EPB41L4A: variants seen among roughly 807,000 people sequenced by gnomAD.
EPB41L4A encodes band 4.1-like protein 4A.
In EPB41L4A, 100 loss-of-function variants were observed where a neutral mutation model predicts 108.6. The ratio of observed to expected loss-of-function variants is 0.92; its 90% CI spans 0.78 to 1.09. The LOEUF is 1.09. Ranked by LOEUF, EPB41L4A falls within the 50% of genes least tolerant of loss-of-function variation. The pLI, the probability that EPB41L4A is intolerant of heterozygous loss-of-function variation, is 0.00. For missense variants in EPB41L4A, 1,030 were observed against 842.7 expected (o/e 1.22, Z -2.75); for synonymous variants, 319 against 289.0 (o/e 1.10, Z -1.05).
intron 14 of EPB41L4A, chr5:112,204,782 C>T (rs1388167103): frequency 3.9e-6 from 1 of 257,750 alleles, no homozygotes; most frequent in African/African-American, 2.1e-5. Flanking sequence ...GAATTTAGCC[C>T]TTTCTAAACA....
At chr5:112,271,976 T>G (rs1255618479) in intron 4 of EPB41L4A, among the ~76,000 whole-genome samples, 1 of 152,158 alleles carries the variant, frequency 6.6e-6, no homozygotes, top group Non-Finnish European at 1.5e-5. Flanking sequence ...GGACTCCAAG[T>G]TGATGATTCT....
chr5:112,170,167 C>T (rs532639745), intron 20 of EPB41L4A, 134 bp downstream of exon 20: 22 of 798,696 alleles, frequency 2.8e-5, no homozygotes, highest in Non-Finnish European at 3.6e-5. Context: ...CTTCCTCTTT[C>T]GCTACTGTCA....
chr5:112,148,707 GC>G (rs779729673), intron 12 of EPB41L4A, among the ~76,000 whole-genome samples: 2 of 151,980 alleles, frequency 1.3e-5, no homozygotes, highest in African/African-American at 2.4e-5. Flanking sequence ...TTTTCACTTA[GC>G]CTTTCTATCG....
At chr5:112,293,430 T>C (rs1753786194) in intron 2 of EPB41L4A, among the ~76,000 whole-genome samples, 4 of 152,086 alleles carry the variant, frequency 2.6e-5, no homozygotes. Flanking sequence ...AAGAAAACTT[T>C]CTCTCCAAGA....
At chr5:112,320,524 G>C (rs1755706454) in intron 1 of EPB41L4A, among the ~76,000 whole-genome samples, 1 of 152,114 alleles carries the variant, frequency 6.6e-6, no homozygotes. Context: ...GTGGGGCAGG[G>C]GATTGGCTTA....
intron 1 of EPB41L4A, among the ~76,000 whole-genome samples, chr5:112,374,538 C>G (rs1393235641): frequency 6.6e-6 from 1 of 152,212 alleles, no homozygotes; most frequent in Non-Finnish European, 1.5e-5. Context: ...ATAAATATTA[C>G]TCAGCAATAT....
intron 1 of EPB41L4A, among the ~76,000 whole-genome samples, chr5:112,341,753 A>AAC (rs5870494): frequency 0.48 from 71,650 of 149,304 alleles, 18,138 homozygotes; most frequent in South Asian, 0.6. Flanking sequence ...CACTATTTAA[A>AAC]ACACACACAC....
At chr5:112,142,289 T>C (rs989474298), downstream of EPB41L4A, among the ~76,000 whole-genome samples, 4 of 152,214 alleles carry the variant, frequency 2.6e-5, no homozygotes, top group African/African-American at 9.6e-5. Flanking sequence ...TTTTAGTGTA[T>C]AGATCCTTTC....
At chr5:112,200,924 T>C (rs149424315) in intron 15 of EPB41L4A, among the ~76,000 whole-genome samples, 5 of 152,334 alleles carry the variant, frequency 3.3e-5, no homozygotes, top group African/African-American at 9.6e-5. Context: ...TTGACATCTA[T>C]TGCAAAGTGT....
intron 1 of EPB41L4A, among the ~76,000 whole-genome samples, chr5:112,364,153 A>T (rs887757398): frequency 2.0e-5 from 3 of 152,136 alleles, no homozygotes; most frequent in Non-Finnish European, 4.4e-5. Flanking sequence ...CAGCCTCCCG[A>T]GTAGCTGGGA....
At chr5:112,186,003 G>A (rs1010288918) in intron 17 of EPB41L4A, among the ~76,000 whole-genome samples, 4 of 152,082 alleles carry the variant, frequency 2.6e-5, no homozygotes, top group Non-Finnish European at 4.4e-5. Flanking sequence ...CAATCACGGG[G>A]AAGGTGCTGC....
chr5:112,284,647 T>C (rs1753167544), intron 2 of EPB41L4A, among the ~76,000 whole-genome samples: 1 of 152,190 alleles, frequency 6.6e-6, no homozygotes, highest in Non-Finnish European at 1.5e-5. Context: ...CCCTGCTCTC[T>C]GATGTCGCAC....
At chr5:112,145,968 T>G (rs1759239084) in exon 13 of EPB41L4A, 1 of 456,670 alleles carries the variant, frequency 2.2e-6, no homozygotes, top group Non-Finnish European at 4.4e-6. Context: ...CCAAGTTCTC[T>G]GCCCTTTCTA....
chr5:112,351,019 T>C (rs1758009015), intron 1 of EPB41L4A, among the ~76,000 whole-genome samples: 1 of 152,174 alleles, frequency 6.6e-6, no homozygotes, highest in South Asian at 2.1e-4. Flanking sequence ...GATCATATGG[T>C]AGTTCTATTT....
chr5:112,202,990 G>C (rs1383597096), intron 15 of EPB41L4A, among the ~76,000 whole-genome samples: 1 of 151,886 alleles, frequency 6.6e-6, no homozygotes, highest in Non-Finnish European at 1.5e-5. Context: ...ACTGCTTGAG[G>C]CTAGGAATTC....
intron 22 of EPB41L4A, among the ~76,000 whole-genome samples, chr5:112,167,428 C>T (rs950065335): frequency 6.6e-5 from 10 of 152,182 alleles, no homozygotes; most frequent in African/African-American, 2.2e-4. Context: ...GTAGAAGCTG[C>T]GTTTACCATG....
At chr5:112,404,537 A>G (rs1217193303) in intron 1 of EPB41L4A, among the ~76,000 whole-genome samples, 1 of 152,220 alleles carries the variant, frequency 6.6e-6, no homozygotes, top group Non-Finnish European at 1.5e-5. Context: ...AAATGGATAA[A>G]CTATGACTGC....
chr5:112,306,651 G>A (rs1754701975), intron 2 of EPB41L4A, among the ~76,000 whole-genome samples: 1 of 152,144 alleles, frequency 6.6e-6, no homozygotes, highest in Non-Finnish European at 1.5e-5. Flanking sequence ...ATAAGCATGT[G>A]AGCATTCTGC....
intron 1 of EPB41L4A, among the ~76,000 whole-genome samples, chr5:112,389,054 A>C (rs17134475): frequency 0.052 from 7,872 of 152,174 alleles, 461 homozygotes; most frequent in African/African-American, 0.14. Context: ...CCAGGAGAGG[A>C]ATTGTTGGAC....
Sources: allele counts gnomAD v4.1 joint callset (sites outside exome capture counted in the v4.1 genomes callset), GRCh38; gene constraint gnomAD v4.1.1; transcripts MANE v1.5; gene names NCBI Gene and HGNC (gene_info 2026-07-23, HGNC 2026-07-21).